CCDC171: variants seen among roughly 807,000 people sequenced by gnomAD.
The protein encoded by CCDC171 is coiled-coil domain-containing protein 171.
In CCDC171, 177 loss-of-function variants were observed where a neutral mutation model predicts 168.2. The ratio of observed to expected loss-of-function variants is 1.05; its 90% CI spans 0.93 to 1.19. The LOEUF is 1.19. Among genes scored for constraint, CCDC171 ranks in the 50% most tolerant of loss-of-function variants. The probability of loss-of-function intolerance (pLI) is 0.00; values close to 1 mark genes in which losing one functional copy is unlikely to be tolerated. For missense variants in CCDC171, 1,991 were observed against 1,539.0 expected (o/e 1.29, Z -4.91); for synonymous variants, 687 against 540.8 (o/e 1.27, Z -3.75).
downstream of CCDC171, among the ~76,000 whole-genome samples, chr9:16,063,183 G>A (rs1441085999): frequency 6.6e-6 from 1 of 152,180 alleles, no homozygotes; most frequent in Non-Finnish European, 1.5e-5. Context: ...AATGTGAGTA[G>A]TGATTCCTAA....
chr9:15,648,780 C>A (rs1405450127), intron 7 of CCDC171, among the ~76,000 whole-genome samples: 2 of 152,176 alleles, frequency 1.3e-5, no homozygotes, highest in Non-Finnish European at 2.9e-5. Context: ...CTTCCATGCT[C>A]ATGGATAGGA....
intron 21 of CCDC171, among the ~76,000 whole-genome samples, chr9:15,825,078 A>G (rs1343984524): frequency 6.6e-6 from 1 of 152,124 alleles, no homozygotes; most frequent in Non-Finnish European, 1.5e-5. Flanking sequence ...GATAGAAAAA[A>G]AGAGAGTCAA....
At chr9:15,668,802 T>C (rs1483418447) in intron 9 of CCDC171, among the ~76,000 whole-genome samples, 1 of 152,122 alleles carries the variant, frequency 6.6e-6, no homozygotes, top group African/African-American at 2.4e-5. Flanking sequence ...AAAACCTTTT[T>C]TAAAGATGAT....
At position 15,972,035 on chromosome 9, in the gene CCDC171, T is replaced by C. The variant is rs1450571243; in HGVS notation, c.*199T>C. The C allele has an allele frequency of 1.9e-6, 1 of 524,970 alleles. No homozygotes were observed. The highest frequency in any genetic ancestry group is 3.3e-6 in the Non-Finnish European group (1 of 299,368). 32.5% of individuals were successfully genotyped at this position (524,970 alleles called of 1,614,324 possible). A position where few individuals can be genotyped will look rare whatever the true frequency, so the allele number is the denominator to read the frequency against. ...CAACTTTTTTCTCTCCAAGTTTTAT[T>C]TGTTATCACAGTTGCTCATTTTTAT... On this transcript the variant is annotated 3_prime_UTR_variant, in exon 26 of 26. Transcript: ENST00000380701.
At chr9:16,097,604 C>G in the CCDC171 span, among the ~76,000 whole-genome samples, 2 of 152,148 alleles carry the variant, frequency 1.3e-5, no homozygotes, top group Non-Finnish European at 2.9e-5. Context: ...AGCATACTAT[C>G]TCAAAAAAGG....
At chr9:15,768,326 A>G (rs1036721632) in intron 18 of CCDC171, among the ~76,000 whole-genome samples, 3 of 152,206 alleles carry the variant, frequency 2.0e-5, no homozygotes, top group Non-Finnish European at 1.5e-5. Flanking sequence ...GAAACCTAGC[A>G]GTCACTGTAA....
At chr9:15,828,361 G>C (rs7024440) in intron 21 of CCDC171, among the ~76,000 whole-genome samples, 66,814 of 151,232 alleles carry the variant, frequency 0.44, 14,963 homozygotes, top group African/African-American at 0.47. Context: ...TTAGAAAAGT[G>C]ATACGTGAAG....
chr9:15,984,718 T>A lies in CCDC171; in HGVS notation n.369-35871T>A, dbSNP rs148112708. Among the ~76,000 whole-genome samples the A allele has an allele frequency of 1.0e-3, 159 of 152,260 alleles. 2 individuals are homozygous for A. Among genetic ancestry groups the A allele is most frequent in the African/African-American group, 3.5e-3 (146 of 41,556 alleles). On this transcript the variant is annotated intron_variant and non_coding_transcript_variant, in intron 3 of 9. Transcript: ENST00000486641. ...ATCAACATTACAAAGTTCTCATGAT[T>A]TGATATTTGATGAAAAGGGTAGGAT...
chr9:15,647,422 C>G (rs761911505), intron 7 of CCDC171, among the ~76,000 whole-genome samples: 39 of 151,944 alleles, frequency 2.6e-4, no homozygotes, highest in Non-Finnish European at 5.0e-4. Flanking sequence ...GAGATAGAGA[C>G]ACAAAAAACC....
At chr9:15,613,969 A>G (rs1195257377) in intron 6 of CCDC171, among the ~76,000 whole-genome samples, 1 of 152,222 alleles carries the variant, frequency 6.6e-6, no homozygotes, top group Non-Finnish European at 1.5e-5. Context: ...TGGTCAGCTA[A>G]TGAATGGACA....
chr9:15,890,746 C>T (rs577691893), intron 24 of CCDC171, among the ~76,000 whole-genome samples: 52 of 152,138 alleles, frequency 3.4e-4, no homozygotes, highest in African/African-American at 1.2e-3. Context: ...ATTAATTATA[C>T]CTCAATAAAC....
intron 7 of CCDC171, among the ~76,000 whole-genome samples, chr9:15,631,831 T>A (rs1316325817): frequency 6.6e-6 from 1 of 152,210 alleles, no homozygotes; most frequent in Non-Finnish European, 1.5e-5. Flanking sequence ...CATGATCAAG[T>A]GGGCTTCATC....
intron 19 of CCDC171, among the ~76,000 whole-genome samples, chr9:15,778,159 C>T (rs1378008873): frequency 2.7e-5 from 4 of 150,064 alleles, no homozygotes; most frequent in African/African-American, 4.9e-5. Flanking sequence ...TAGCCCGGCG[C>T]GGTGGCGGGC....
chr9:15,967,750 G>A (rs2132739771), intron 25 of CCDC171, among the ~76,000 whole-genome samples: 1 of 152,248 alleles, frequency 6.6e-6, no homozygotes, highest in East Asian at 1.9e-4. Context: ...ATCACACTAT[G>A]TGCTTAGCAT....
intron 6 of CCDC171, among the ~76,000 whole-genome samples, chr9:15,612,902 C>G (rs892404300): frequency 6.6e-6 from 1 of 152,254 alleles, no homozygotes; most frequent in Admixed American, 6.5e-5. Flanking sequence ...TAACACTTTT[C>G]TGCAGGTTTA....
chr9:15,595,752 A>C (rs1239742098), intron 6 of CCDC171, among the ~76,000 whole-genome samples: 1 of 151,978 alleles, frequency 6.6e-6, no homozygotes, highest in African/African-American at 2.4e-5. Flanking sequence ...GAGCTAGTTT[A>C]CAGTCCCACC....
chr9:15,623,576 G>A (rs1054610842), intron 7 of CCDC171, among the ~76,000 whole-genome samples, 163 bp downstream of exon 7: 1 of 151,180 alleles, frequency 6.6e-6, no homozygotes, highest in Middle Eastern at 3.2e-3. Flanking sequence ...TAATTTTAGG[G>A]GCACTTATTT....
chr9:15,610,833 A>G (rs1160061209), intron 6 of CCDC171, among the ~76,000 whole-genome samples: 1 of 152,092 alleles, frequency 6.6e-6, no homozygotes, highest in Non-Finnish European at 1.5e-5. Flanking sequence ...TCCTGGGATT[A>G]CAGGTGTGAA....
chr9:15,666,722 G>C (rs928759795), intron 9 of CCDC171, among the ~76,000 whole-genome samples: 6 of 152,072 alleles, frequency 3.9e-5, no homozygotes, highest in South Asian at 4.1e-4. Flanking sequence ...CTACTCGAGA[G>C]GCTGAGGTGG....
Sources: gnomAD v4.1 joint callset for allele counts (sites outside exome capture counted in the v4.1 genomes callset) on GRCh38, gnomAD v4.1.1 for gene constraint, MANE v1.5 for transcripts, NCBI Gene and HGNC (gene_info 2026-07-23, HGNC 2026-07-21) for gene names.